The following MRPS6 variants were observed in gnomAD, a reference collection of about 807,000 sequenced individuals.
MRPS6 encodes the protein mitochondrial ribosomal protein S6, also known as small ribosomal subunit protein bS6m.
In MRPS6, 6 loss-of-function variants were observed where a neutral mutation model predicts 13.1. The ratio of observed to expected loss-of-function variants is 0.46; its 90% CI spans 0.25 to 0.91. The LOEUF is 0.91. Among genes scored for constraint, MRPS6 ranks in the 40% least tolerant of loss-of-function variants. The pLI, the probability that MRPS6 is intolerant of heterozygous loss-of-function variation, is 0.18. For missense variants in MRPS6, 164 were observed against 155.6 expected (o/e 1.05, Z -0.29); for synonymous variants, 61 against 56.5 (o/e 1.08, Z -0.36).
At chr21:34,097,214 G>A (rs747317104) in intron 1 of MRPS6, 3 of 1,614,094 alleles carry the variant, frequency 1.9e-6, no homozygotes, top group Non-Finnish European at 2.5e-6. Context: ...TCAGCAAGAG[G>A]AGTCTCAGAG....
At chr21:34,099,622 A>G (rs1050140691) in intron 1 of MRPS6, 2 of 997,564 alleles carry the variant, frequency 2.0e-6, no homozygotes, top group Non-Finnish European at 2.4e-6. Context: ...TTCTCCCTTT[A>G]TTTAACATTG....
rs554771335 is a variant in MRPS6, at chr21:34,111,332, C to T, written c.46-14009C>T. On this transcript the variant is annotated intron_variant, in intron 1 of 2. Coordinates refer to ENST00000399312, the MANE Select transcript of MRPS6 (RefSeq NM_032476.4). ...ATAGAACATTACCAGCACCACCACC[C>T]GCTTCCTGCCAAGGAGGCTCATTCC... Among the ~76,000 whole-genome samples the T allele has an allele frequency of 3.3e-5, 5 of 152,274 alleles. No homozygotes were observed. In the South Asian group the frequency reaches 6.2e-4, roughly 19 times the overall value.
Position 34,083,959 on chromosome 21 carries a change from C to G in MRPS6, c.45+10214C>G, listed in dbSNP as rs541836344. 3.5e-3 allele frequency among the ~76,000 whole-genome samples: 534 copies of G among 152,294 alleles called. 5 individuals are homozygous for G. The highest frequency in any genetic ancestry group is 0.012 in the African/African-American group (502 of 41,554). ...CGTGACCCTATTTCCCTGGATTTTT[C>G]TATCCCTCTACTTGTCCTGTGTTTG... On this transcript the variant is annotated intron_variant, in intron 1 of 2. Coordinates refer to ENST00000399312, the MANE Select transcript of MRPS6 (RefSeq NM_032476.4).
intron 1 of MRPS6, among the ~76,000 whole-genome samples, chr21:34,084,878 G>A (rs1027245839): frequency 6.6e-6 from 1 of 152,072 alleles, no homozygotes; most frequent in Non-Finnish European, 1.5e-5. Flanking sequence ...ACACTTGTAT[G>A]ATTTTTGCCT....
At chr21:34,102,918 C>A in intron 1 of MRPS6, 2 of 999,492 alleles carry the variant, frequency 2.0e-6, no homozygotes, top group Non-Finnish European at 2.4e-6. Context: ...AGTAGGTATC[C>A]CCAACCTAAT....
intron 1 of MRPS6, chr21:34,101,866 C>A: frequency 1.0e-6 from 1 of 999,880 alleles, no homozygotes; most frequent in Non-Finnish European, 1.2e-6. Context: ...ACTCCTTTTT[C>A]AAAAATTAGG....
intron 1 of MRPS6, among the ~76,000 whole-genome samples, chr21:34,080,390 C>T (rs190574700): frequency 4.4e-4 from 67 of 152,144 alleles, no homozygotes; most frequent in African/African-American, 1.6e-3. Context: ...TTTTATATGC[C>T]CAGTAAACAA....
rs773672872 is a variant in MRPS6, at chr21:34,142,446, T to C, written c.224T>C (p.Val75Ala). The change falls in exon 3 of 3, where the codon GTT becomes GCT. Residue 75 changes from valine (V) to alanine (A), a missense_variant. Val to Ala is a moderately conservative substitution (Grantham distance 64). Transcript: ENST00000399312. ...GATTTTTATGCACCCACCGCAGCTGTTGAAAGCATGGTGGAGCACTTGTCT... is the reference window on the plus strand; with the variant it reads ...GATTTTTATGCACCCACCGCAGCTGCTGAAAGCATGGTGGAGCACTTGTCT... ...LVDFYAPTAA[V>A]ESMVEHLSRD... 8 of 1,601,052 alleles carry C rather than the reference T, an allele frequency of 5.0e-6. No homozygotes were observed. The South Asian group carries it at 8.0e-5, about 16-fold the overall frequency.
At chr21:34,123,538 C>A (rs1980197471) in intron 1 of MRPS6, 1 of 151,944 alleles carries the variant, frequency 6.6e-6, no homozygotes, top group South Asian at 2.1e-4. Context: ...AATCTGTAAA[C>A]CTTCTTGGCT....
At chr21:34,123,519 C>G (rs1012456729) in intron 1 of MRPS6, 1 of 152,020 alleles carries the variant, frequency 6.6e-6, no homozygotes, top group African/African-American at 2.4e-5. Context: ...CTCTAGAGAT[C>G]CCATCCCAAA....
At chr21:34,127,131 T>C (rs998063562) in intron 2 of MRPS6, among the ~76,000 whole-genome samples, 6 of 152,222 alleles carry the variant, frequency 3.9e-5, no homozygotes, top group African/African-American at 1.4e-4. Flanking sequence ...GTTCATTGAC[T>C]TTTAAAGATT....
intron 2 of MRPS6, among the ~76,000 whole-genome samples, chr21:34,137,430 A>T (rs1346581309): frequency 6.6e-6 from 1 of 152,192 alleles, no homozygotes; most frequent in Non-Finnish European, 1.5e-5. Flanking sequence ...TGTTACTAGT[A>T]TATAGAAATA....
At chr21:34,104,900 A>T (rs1218308567) in intron 1 of MRPS6, 1 of 1,000,100 alleles carries the variant, frequency 1.0e-6, no homozygotes, top group Admixed American at 6.2e-5. Context: ...TTTGGCAGAA[A>T]TGCCTTTCAT....
chr21:34,101,310 A>T (rs1450346159), intron 1 of MRPS6: 1 of 1,000,100 alleles, frequency 1.0e-6, no homozygotes, highest in Non-Finnish European at 1.2e-6. Context: ...GGGCACCAAT[A>T]AATAAGTTTC....
intron 1 of MRPS6, among the ~76,000 whole-genome samples, chr21:34,089,393 T>C (rs1978565008): frequency 1.3e-5 from 2 of 151,790 alleles, no homozygotes; most frequent in African/African-American, 4.8e-5. Flanking sequence ...TCTAGTATCA[T>C]TCACATAAAA....
At chr21:34,111,221 G>A (rs1463121973) in intron 1 of MRPS6, among the ~76,000 whole-genome samples, 1 of 152,156 alleles carries the variant, frequency 6.6e-6, no homozygotes, top group East Asian at 1.9e-4. Context: ...TAGCAAGTAG[G>A]CAAATTGGCA....
At chr21:34,090,033 T>TGC (rs1468286814) in intron 1 of MRPS6, among the ~76,000 whole-genome samples, 1 of 152,182 alleles carries the variant, frequency 6.6e-6, no homozygotes, top group Admixed American at 6.5e-5. Flanking sequence ...AAACCCAAAA[T>TGC]GCTCCAGTGA....
chr21:34,094,965 G>C (rs1052192931), intron 1 of MRPS6: 3 of 500,000 alleles, frequency 6.0e-6, no homozygotes, highest in Non-Finnish European at 1.0e-5. Flanking sequence ...TTAAGAGTAC[G>C]AGCTAAGTTC....
chr21:34,138,971 A>G (rs1389393940), intron 2 of MRPS6, among the ~76,000 whole-genome samples: 6 of 151,940 alleles, frequency 3.9e-5, no homozygotes, highest in Middle Eastern at 6.8e-3. Context: ...GATTAAGAAA[A>G]TGTGGCACAT....
Sources: gnomAD v4.1 joint callset for allele counts (sites outside exome capture counted in the v4.1 genomes callset) on GRCh38, gnomAD v4.1.1 for gene constraint, MANE v1.5 for transcripts, NCBI Gene and HGNC (gene_info 2026-07-23, HGNC 2026-07-21) for gene names.